CALN1: variants seen among roughly 807,000 people sequenced by gnomAD.
The protein encoded by CALN1 is calcium-binding protein 8.
In CALN1, 17 loss-of-function variants were observed where a neutral mutation model predicts 30.6. That is an observed-to-expected ratio of 0.56 (90% CI 0.38 to 0.83). The LOEUF (loss-of-function observed/expected upper bound fraction) is 0.83. Ranked by LOEUF, CALN1 falls within the 40% of genes least tolerant of loss-of-function variation. The probability of loss-of-function intolerance (pLI) is 0.00; values close to 1 mark genes in which losing one functional copy is unlikely to be tolerated. For synonymous variants in CALN1, 156 were observed against 131.4 expected (o/e 1.19, Z -1.28); for missense variants, 291 against 354.9 (o/e 0.82, Z 1.45).
intron 2 of CALN1, among the ~76,000 whole-genome samples, chr7:72,290,449 G>A (rs1014322142): frequency 2.6e-5 from 4 of 152,092 alleles, no homozygotes; most frequent in African/African-American, 4.8e-5. Flanking sequence ...ATACAGCAGT[G>A]GCAGCCTCAG....
intron 5 of CALN1, among the ~76,000 whole-genome samples, chr7:71,966,187 C>T (rs6460702): frequency 1 from 152,344 of 152,364 alleles, 76,162 homozygotes; most frequent in Middle Eastern, 1. Context: ...TCAACTCTGT[C>T]ACCATAAAGC....
chr7:72,148,907 C>CA (rs539267916), intron 3 of CALN1, among the ~76,000 whole-genome samples: 2,150 of 37,146 alleles, frequency 0.058, 25 homozygotes, highest in Non-Finnish European at 0.089. Flanking sequence ...CCACCAAAAA[C>CA]AAAAAAAAGA....
chr7:72,271,575 A>AAAAAATATATAT lies in CALN1; in HGVS notation c.244+7110_244+7111insATATATATTTTT. 8.1e-3 allele frequency among the ~76,000 whole-genome samples: 424 copies of AAAAAATATATAT among 52,114 alleles called. 34 individuals are homozygous for AAAAAATATATAT. In the East Asian group the frequency reaches 0.11, roughly 14 times the overall value. 34.2% of individuals were successfully genotyped at this position (52,114 alleles called of 152,430 possible). A position where few individuals can be genotyped will look rare whatever the true frequency, so the allele number is the denominator to read the frequency against. On this transcript the variant is annotated intron_variant, in intron 3 of 6. Coordinates refer to ENST00000395275, the MANE Select transcript of CALN1 (RefSeq NM_031468.4). ...CTGTGCCTGCCTTTTAAAAAAAAAA[A>AAAAAATATATAT]ATATATATATATATATATAGTTTTC...
intron 3 of CALN1, among the ~76,000 whole-genome samples, chr7:72,216,757 T>G (rs2129548699): frequency 6.6e-6 from 1 of 152,264 alleles, no homozygotes; most frequent in South Asian, 2.1e-4. Flanking sequence ...CACAGCATTG[T>G]TTTTTGGTGG....
intron 5 of CALN1, among the ~76,000 whole-genome samples, chr7:71,864,762 G>T (rs1210486550): frequency 1.3e-5 from 2 of 152,160 alleles, no homozygotes; most frequent in African/African-American, 2.4e-5. Flanking sequence ...AGAAATTTGG[G>T]AGGCCAAGGC....
At chr7:72,337,343 C>T (rs929159482) in intron 2 of CALN1, 11 of 964,702 alleles carry the variant, frequency 1.1e-5, no homozygotes, top group Non-Finnish European at 1.4e-5. Context: ...CCCCAACCTC[C>T]GCCTCTCCAA....
chr7:72,200,586 T>G (rs992472617), intron 3 of CALN1, among the ~76,000 whole-genome samples: 13 of 151,954 alleles, frequency 8.6e-5, no homozygotes, highest in Non-Finnish European at 1.9e-4. Context: ...GGGGTGGAGC[T>G]GGGGCTTGAG....
chr7:71,920,328 T>C (rs112851000), intron 5 of CALN1, among the ~76,000 whole-genome samples: 2,083 of 142,116 alleles, frequency 0.015, 42 homozygotes, highest in African/African-American at 0.053. Context: ...GACAAATTAG[T>C]TCTTTTTTTT....
At chr7:72,484,852 C>A in the CALN1 span, among the ~76,000 whole-genome samples, 1 of 152,168 alleles carries the variant, frequency 6.6e-6, no homozygotes, top group East Asian at 1.9e-4. Context: ...ATGGGCCCTT[C>A]TTCTCTGATA....
intron 5 of CALN1, among the ~76,000 whole-genome samples, chr7:71,994,687 A>G (rs1222818477): frequency 2.0e-5 from 3 of 152,034 alleles, no homozygotes; most frequent in Admixed American, 2.0e-4. Flanking sequence ...CTCTGTACAG[A>G]GAGGGGTCCT....
At chr7:72,155,935 C>T (rs1158280758) in intron 3 of CALN1, among the ~76,000 whole-genome samples, 2 of 152,134 alleles carry the variant, frequency 1.3e-5, no homozygotes, top group Admixed American at 6.5e-5. Context: ...ATTTTTTCCT[C>T]TCTCTAATCT....
At chr7:72,273,529 T>A in intron 3 of CALN1, among the ~76,000 whole-genome samples, 1 of 116,132 alleles carries the variant, frequency 8.6e-6, no homozygotes, top group Non-Finnish European at 1.9e-5. Context: ...TTCTTCCCCC[T>A]AGAGACAGGG....
intron 3 of CALN1, among the ~76,000 whole-genome samples, chr7:72,187,400 C>G (rs1335672118): frequency 6.6e-6 from 1 of 152,108 alleles, no homozygotes; most frequent in Admixed American, 6.5e-5. Context: ...AGGTCCACAG[C>G]CTGTTAGGAA....
chr7:71,878,267 C>T (rs573631237), intron 5 of CALN1, among the ~76,000 whole-genome samples: 3 of 151,976 alleles, frequency 2.0e-5, no homozygotes, highest in African/African-American at 4.8e-5. Flanking sequence ...CCAGGCACAG[C>T]GGTGCATGCC....
chr7:71,812,794 T>C (rs1788032220), intron 5 of CALN1, among the ~76,000 whole-genome samples: 1 of 151,774 alleles, frequency 6.6e-6, no homozygotes, highest in South Asian at 2.1e-4. Flanking sequence ...TCCAGGCTGA[T>C]ATGCTGTGGT....
chr7:71,897,962 A>C (rs188341575), intron 5 of CALN1, among the ~76,000 whole-genome samples: 27 of 122,120 alleles, frequency 2.2e-4, no homozygotes, highest in Non-Finnish European at 4.2e-4. Context: ...TGTTGGAAAA[A>C]AACAAAAAAC....
chr7:72,275,897 A>T (rs1326156156), intron 3 of CALN1, among the ~76,000 whole-genome samples: 1 of 152,244 alleles, frequency 6.6e-6, no homozygotes, highest in East Asian at 1.9e-4. Flanking sequence ...AAATCCAGCC[A>T]GCAGCCCTCT....
At chr7:72,448,901 G>A (rs909991949), upstream of CALN1, among the ~76,000 whole-genome samples, 14 of 152,112 alleles carry the variant, frequency 9.2e-5, no homozygotes, top group Admixed American at 3.3e-4. Flanking sequence ...CACCGCACCC[G>A]GCCGCATGAT....
rs114296352 is a variant in CALN1, at chr7:72,372,978, C to T, written c.119+30273G>A. On this transcript the variant is annotated intron_variant, in intron 2 of 6. Transcript: ENST00000395275. ...AAATTATCTGGCAAAAAGGTAGCTA[C>T]CATAAAATGCTCCAAAAAGCAATGG... is the stretch of plus-strand genomic sequence containing the variant. 1.3e-3 allele frequency among the ~76,000 whole-genome samples: 196 copies of T among 152,050 alleles called. 2 individuals are homozygous for T. Among genetic ancestry groups the T allele is most frequent in the African/African-American group, 4.5e-3 (187 of 41,488 alleles).
Sources: allele counts gnomAD v4.1 joint callset (sites outside exome capture counted in the v4.1 genomes callset), GRCh38; gene constraint gnomAD v4.1.1; transcripts MANE v1.5; gene names NCBI Gene and HGNC (gene_info 2026-07-23, HGNC 2026-07-21).